Variants in B3GLCT observed in about 807,000 individuals in gnomAD.
The protein encoded by B3GLCT is beta-1,3-glucosyltransferase.
A neutral mutation model predicts 63.4 loss-of-function variants in B3GLCT; 65 were observed. The ratio of observed to expected loss-of-function variants is 1.03; its 90% CI spans 0.84 to 1.26. The LOEUF (loss-of-function observed/expected upper bound fraction) is 1.26. Among genes scored for constraint, B3GLCT ranks in the 50% most tolerant of loss-of-function variants. The probability of loss-of-function intolerance (pLI) is 0.00; values close to 1 mark genes in which losing one functional copy is unlikely to be tolerated. For missense variants in B3GLCT, 577 were observed against 604.8 expected (o/e 0.95, Z 0.48); for synonymous variants, 233 against 219.2 (o/e 1.06, Z -0.55).
rs544629677 is a variant in B3GLCT, at chr13:31,288,534, G to A, written c.1064+1715G>A. On this transcript the variant is annotated intron_variant, in intron 12 of 14. Coordinates refer to ENST00000343307, the MANE Select transcript of B3GLCT (RefSeq NM_194318.4). ...TTCACCCTTCTGCTGCCACCACTGG[G>A]GCCCAAAGACTGACTCAGTTGGCAT... 1.4e-3 allele frequency among the ~76,000 whole-genome samples: 218 copies of A among 152,152 alleles called. 3 individuals carry two copies. The highest frequency in any genetic ancestry group is 7.8e-4 in the Non-Finnish European group (53 of 68,012).
intron 13 of B3GLCT, among the ~76,000 whole-genome samples, chr13:31,321,266 C>A (rs1380215621): frequency 6.6e-6 from 1 of 152,246 alleles, no homozygotes; most frequent in Non-Finnish European, 1.5e-5. Context: ...TTGTCTCTTA[C>A]ATCAACCTTT....
At chr13:31,253,296 A>G (rs1299355751) in intron 6 of B3GLCT, among the ~76,000 whole-genome samples, 1 of 152,250 alleles carries the variant, frequency 6.6e-6, no homozygotes, top group East Asian at 1.9e-4. Flanking sequence ...CATCACAATT[A>G]AAAGAATAGA....
chr13:31,316,304 C>T (rs1293990581), intron 12 of B3GLCT, among the ~76,000 whole-genome samples: 1 of 150,446 alleles, frequency 6.6e-6, no homozygotes, highest in Admixed American at 6.6e-5. Context: ...CAGGGGCTGT[C>T]CCCTGCAGAG....
intron 13 of B3GLCT, among the ~76,000 whole-genome samples, chr13:31,322,176 C>A (rs746042779): frequency 3.3e-5 from 5 of 152,234 alleles, no homozygotes; most frequent in Admixed American, 3.3e-4. Context: ...GCCTTTTTGG[C>A]AGCCTTGGGA....
At chr13:31,205,920 AG>A (rs1868926631) in intron 1 of B3GLCT, among the ~76,000 whole-genome samples, 1 of 152,262 alleles carries the variant, frequency 6.6e-6, no homozygotes, top group Non-Finnish European at 1.5e-5. Flanking sequence ...TCTTAAGTAT[AG>A]CAGTGCCATT....
intron 12 of B3GLCT, among the ~76,000 whole-genome samples, chr13:31,298,382 T>C (rs973184139): frequency 1.3e-5 from 2 of 152,232 alleles, no homozygotes; most frequent in African/African-American, 4.8e-5. Context: ...CACTATATTG[T>C]ATTAATGTTT....
chr13:31,241,048 C>T (rs1870915611), intron 4 of B3GLCT, among the ~76,000 whole-genome samples: 1 of 152,162 alleles, frequency 6.6e-6, no homozygotes, highest in Admixed American at 6.5e-5. Flanking sequence ...CTTCATGCAT[C>T]ACAGGAAATA....
intron 10 of B3GLCT, among the ~76,000 whole-genome samples, chr13:31,283,763 G>A (rs1049724785): frequency 2.0e-5 from 3 of 152,080 alleles, no homozygotes; most frequent in Non-Finnish European, 2.9e-5. Context: ...TTAGAGTTGG[G>A]AACAGGGGAA....
At chr13:31,208,345 C>T (rs750092534) in intron 1 of B3GLCT, among the ~76,000 whole-genome samples, 1 of 152,140 alleles carries the variant, frequency 6.6e-6, no homozygotes, top group Admixed American at 6.5e-5. Context: ...CTGAGCCGTC[C>T]TTGGCCTCAC....
chr13:31,231,803 G>A (rs1870394178), intron 4 of B3GLCT, among the ~76,000 whole-genome samples: 1 of 152,190 alleles, frequency 6.6e-6, no homozygotes, highest in African/African-American at 2.4e-5. Flanking sequence ...AGAGTTGGCA[G>A]GCTGTTGCTG....
rs1323011571 is a variant in B3GLCT, at chr13:31,200,114, C to A, written c.30C>A (p.Leu10=). ...GGCCGCCCGCCTGCTGGTGGCTGCT[C>A]GCGCCGCCGGCGCTGCTCGCGCTCC... is the stretch of plus-strand genomic sequence containing the variant. MRPPACWWL[L]APPALLALLT... is the part of the protein sequence containing the mutation. Residue 10 remains leucine (L), a synonymous_variant, in exon 1 of 15, where the codon CTC becomes CTA. Coordinates refer to ENST00000343307, the MANE Select transcript of B3GLCT (RefSeq NM_194318.4). 5 of 1,376,128 alleles carry A rather than the reference C, an allele frequency of 3.6e-6. No homozygotes were observed. The highest frequency in any genetic ancestry group is 1.5e-5 in the African/African-American group (1 of 65,878). The allele number at this position is 1,376,128 out of a possible 1,614,324, so 85.2% of individuals were successfully genotyped here.
rs1204847105 is a variant in B3GLCT at position 31,274,517 on chromosome 13, C to G, written c.669C>G (p.Leu223=). ...CTCCTGTCTCGTGGCAGATTGCCCT[C>G]TACATCTGGGACAAAGGCGGAGGAC... ...FTIDLKHEIA[L]YIWDKGGGPP... The change falls in exon 9 of 15, where the codon CTC becomes CTG. Residue 223 remains leucine (L), a synonymous_variant. Transcript: ENST00000343307. 2 of 1,614,100 alleles carry G rather than the reference C, an allele frequency of 1.2e-6. No homozygotes were observed. Among genetic ancestry groups the G allele is most frequent in the South Asian group, 2.2e-5 (2 of 91,088 alleles).
chr13:31,320,589 C>T (rs544969002), intron 13 of B3GLCT, among the ~76,000 whole-genome samples: 78 of 152,300 alleles, frequency 5.1e-4, no homozygotes, highest in Middle Eastern at 6.8e-3. Flanking sequence ...GTTACCATGG[C>T]ATGAAAGTCT....
At position 31,283,799 on chromosome 13, in the gene B3GLCT, C is replaced by G. The variant is rs536766892; in HGVS notation, c.851-849C>G. On this transcript the variant is annotated intron_variant, in intron 10 of 14. Coordinates refer to ENST00000343307, the MANE Select transcript of B3GLCT (RefSeq NM_194318.4). ...AGATACATGATCTGATAAAGTTTCTCAAAAGTTAAGTGAAGATTTGGTTCA... is the reference window on the plus strand; with the variant it reads ...AGATACATGATCTGATAAAGTTTCTGAAAAGTTAAGTGAAGATTTGGTTCA... Among the ~76,000 whole-genome samples, 29 of 152,104 alleles carry G rather than the reference C, an allele frequency of 1.9e-4. No homozygotes were observed. In the South Asian group the frequency reaches 6.0e-3, roughly 32 times the overall value.
Position 31,284,742 on chromosome 13 carries a change from A to C in B3GLCT, c.945A>C (p.Gly315=). The change falls in exon 11 of 15, where the codon GGA becomes GGC. Residue 315 remains glycine, a synonymous_variant. Coordinates refer to ENST00000343307, the MANE Select transcript of B3GLCT (RefSeq NM_194318.4). ...TENSIPTVDL[G]IPNTDRGHCG... ...ATTCCATTCCTACTGTGGATTTGGGAATTCCTAATACAGATAGAGGTGAGT... is the reference window on the plus strand; with the variant it reads ...ATTCCATTCCTACTGTGGATTTGGGCATTCCTAATACAGATAGAGGTGAGT... The C allele has an allele frequency of 6.4e-7, 1 of 1,567,760 alleles. No homozygotes were observed. Among genetic ancestry groups the C allele is most frequent in the Non-Finnish European group, 8.8e-7 (1 of 1,137,852 alleles).
chr13:31,205,249 T>G (rs1868888177), intron 1 of B3GLCT, among the ~76,000 whole-genome samples: 3 of 143,518 alleles, frequency 2.1e-5, no homozygotes, highest in South Asian at 2.2e-4. Flanking sequence ...TTTTTTTTTG[T>G]TTTTTTTTTT....
At chr13:31,209,465 C>T (rs367962872) in intron 1 of B3GLCT, among the ~76,000 whole-genome samples, 42 of 152,232 alleles carry the variant, frequency 2.8e-4, no homozygotes, top group African/African-American at 9.9e-4. Context: ...AAGTAGGTCA[C>T]AGGAAAGAAA....
chr13:31,321,513 A>AT (rs1875328837), intron 13 of B3GLCT, among the ~76,000 whole-genome samples: 1 of 152,252 alleles, frequency 6.6e-6, no homozygotes, highest in Non-Finnish European at 1.5e-5. Context: ...TGTTTGTGAC[A>AT]TTTTTGTTTC....
chr13:31,210,130 T>G (rs1869181852), intron 1 of B3GLCT, among the ~76,000 whole-genome samples: 1 of 152,252 alleles, frequency 6.6e-6, no homozygotes, highest in African/African-American at 2.4e-5. Flanking sequence ...TGTCTAGATG[T>G]GCTAACACAT....
Sources: allele counts gnomAD v4.1 joint callset (sites outside exome capture counted in the v4.1 genomes callset), GRCh38; gene constraint gnomAD v4.1.1; transcripts MANE v1.5; gene names NCBI Gene and HGNC (gene_info 2026-07-23, HGNC 2026-07-21).